AP3B1: variants seen among roughly 807,000 people sequenced by gnomAD.
The protein encoded by AP3B1 is AP-3 complex subunit beta-1.
Under a neutral mutation model 132.5 loss-of-function variants are expected in AP3B1, and 61 were observed. That is an observed-to-expected ratio of 0.46 (90% CI 0.37 to 0.57). The LOEUF (loss-of-function observed/expected upper bound fraction) is 0.57, where lower values mean the gene tolerates loss of function less well. AP3B1 is among the 20% of genes least tolerant of loss of function. The pLI is 0.00. For missense variants in AP3B1, 1,120 were observed against 1,289.4 expected (o/e 0.87, Z 2.01); for synonymous variants, 388 against 438.3 (o/e 0.89, Z 1.43).
intron 7 of AP3B1, among the ~76,000 whole-genome samples, chr5:78,203,839 AT>A (rs1745398289): frequency 6.6e-6 from 1 of 152,148 alleles, no homozygotes; most frequent in South Asian, 2.1e-4. Context: ...AAGTTCACCC[AT>A]TCATTTTCTG....
At chr5:78,100,555 T>C (rs1751084245) in intron 21 of AP3B1, among the ~76,000 whole-genome samples, 1 of 152,204 alleles carries the variant, frequency 6.6e-6, no homozygotes, top group Non-Finnish European at 1.5e-5. Flanking sequence ...AAGTGGAAGA[T>C]GGTGATGTCC....
chr5:78,025,060 A>G (rs563210880), intron 24 of AP3B1, among the ~76,000 whole-genome samples: 88 of 152,256 alleles, frequency 5.8e-4, no homozygotes, highest in African/African-American at 2.1e-3. Context: ...AGACACATAC[A>G]TATATATACA....
At chr5:78,101,769 G>A (rs1751133672) in intron 20 of AP3B1, among the ~76,000 whole-genome samples, 2 of 151,990 alleles carry the variant, frequency 1.3e-5, no homozygotes, top group South Asian at 4.1e-4. Flanking sequence ...TCACAGTTTG[G>A]TTAGATATTC....
intron 25 of AP3B1, among the ~76,000 whole-genome samples, chr5:78,017,847 G>T (rs1170938321): frequency 6.6e-6 from 1 of 151,924 alleles, no homozygotes; most frequent in African/African-American, 2.4e-5. Flanking sequence ...GGCTTTATTA[G>T]AATCTATCTA....
chr5:78,041,454 G>A (rs1748082804), intron 22 of AP3B1, among the ~76,000 whole-genome samples: 1 of 151,730 alleles, frequency 6.6e-6, no homozygotes, highest in Non-Finnish European at 1.5e-5. Flanking sequence ...AGCTACTCAG[G>A]AGGCTGAGGT....
chr5:78,021,515 T>A (rs918325937), intron 24 of AP3B1, among the ~76,000 whole-genome samples: 2 of 152,140 alleles, frequency 1.3e-5, no homozygotes, highest in African/African-American at 4.8e-5. Context: ...TCTAAAAAAT[T>A]TTTTAAAGTT....
chr5:78,132,094 T>C (rs1460777069), intron 15 of AP3B1, among the ~76,000 whole-genome samples: 1 of 152,166 alleles, frequency 6.6e-6, no homozygotes, highest in Non-Finnish European at 1.5e-5. Context: ...ATCAGTTTCA[T>C]CACAAGAATT....
intron 2 of AP3B1, among the ~76,000 whole-genome samples, chr5:78,259,257 A>AG (rs1262585849): frequency 1.3e-5 from 2 of 151,756 alleles, no homozygotes; most frequent in South Asian, 2.1e-4. Context: ...AAAAAAAAAA[A>AG]AAAGAAAGAA....
intron 3 of AP3B1, among the ~76,000 whole-genome samples, chr5:78,230,981 G>C (rs1746624351): frequency 6.6e-6 from 1 of 151,788 alleles, no homozygotes; most frequent in Admixed American, 6.6e-5. Flanking sequence ...TTAGCCAGGT[G>C]TATTGGCCCA....
At chr5:78,137,266 G>C (rs541942956) in intron 15 of AP3B1, among the ~76,000 whole-genome samples, 1 of 152,208 alleles carries the variant, frequency 6.6e-6, no homozygotes, top group South Asian at 2.1e-4. Context: ...TCAGTCTCTT[G>C]GGTACACCTC....
At chr5:78,240,275 C>G (rs1747068420) in intron 3 of AP3B1, among the ~76,000 whole-genome samples, 1 of 152,082 alleles carries the variant, frequency 6.6e-6, no homozygotes, top group Non-Finnish European at 1.5e-5. Flanking sequence ...ATCAATTAAC[C>G]AGGCTTTTTC....
intron 20 of AP3B1, 124 bp downstream of exon 20, chr5:78,110,083 G>T: frequency 1.2e-6 from 1 of 833,948 alleles, no homozygotes; most frequent in Non-Finnish European, 1.9e-6. Flanking sequence ...CTGCAGAGTT[G>T]GGTTATAAGG....
intron 15 of AP3B1, among the ~76,000 whole-genome samples, chr5:78,136,603 T>C (rs1461061028): frequency 6.6e-6 from 1 of 152,214 alleles, no homozygotes; most frequent in Non-Finnish European, 1.5e-5. Flanking sequence ...TTTCTACCGC[T>C]GAACAAGTAT....
chr5:78,115,006 T>C (rs981634828), intron 18 of AP3B1, among the ~76,000 whole-genome samples: 6 of 152,174 alleles, frequency 3.9e-5, no homozygotes, highest in East Asian at 3.8e-4. Context: ...ATTTGAAACA[T>C]ACAAAGGAGA....
chr5:78,041,566 A>T lies in AP3B1; in HGVS notation c.2578-2292T>A, dbSNP rs550957203. ...AGAGCAAGACCCTGTCTCAAAAAAA[A>T]AATAATAATAATAAAATAATAATCA... On this transcript the variant is annotated intron_variant, in intron 22 of 26. Transcript: ENST00000255194. Among the ~76,000 whole-genome samples the T allele has an allele frequency of 2.8e-3, 427 of 151,806 alleles. 1 individual carries two copies. Among genetic ancestry groups the T allele is most frequent in the South Asian group, 0.018 (89 of 4,812 alleles).
intron 1 of AP3B1, among the ~76,000 whole-genome samples, chr5:78,281,828 C>T (rs2112585511): frequency 6.6e-6 from 1 of 152,068 alleles, no homozygotes; most frequent in African/African-American, 2.4e-5. Flanking sequence ...GTAACGATTG[C>T]CTAACAATAT....
intron 6 of AP3B1, among the ~76,000 whole-genome samples, chr5:78,218,961 C>T (rs973281671): frequency 2.0e-5 from 3 of 152,050 alleles, no homozygotes; most frequent in African/African-American, 7.2e-5. Context: ...GATAATAGAT[C>T]TATCACAATA....
At chr5:78,156,035 C>G (rs1743134098) in intron 14 of AP3B1, among the ~76,000 whole-genome samples, 1 of 152,166 alleles carries the variant, frequency 6.6e-6, no homozygotes, top group Non-Finnish European at 1.5e-5. Context: ...AAAACTCACA[C>G]TGCTATCTCC....
intron 22 of AP3B1, among the ~76,000 whole-genome samples, chr5:78,069,690 G>T (rs1749452440): frequency 6.6e-6 from 1 of 152,042 alleles, no homozygotes; most frequent in African/African-American, 2.4e-5. Context: ...AGTAATTCAT[G>T]GATTCAATGC....
Sources: gnomAD v4.1 joint callset for allele counts (sites outside exome capture counted in the v4.1 genomes callset) on GRCh38, gnomAD v4.1.1 for gene constraint, MANE v1.5 for transcripts, NCBI Gene and HGNC (gene_info 2026-07-23, HGNC 2026-07-21) for gene names.